The following CDK8 variants were observed in gnomAD, a reference collection of about 807,000 sequenced individuals.
CDK8 encodes cyclin dependent kinase 8, also known as cyclin-dependent kinase 8.
Under a neutral mutation model 71.5 loss-of-function variants are expected in CDK8, and 29 were observed. The ratio of observed to expected loss-of-function variants is 0.41; its 90% confidence interval spans 0.30 to 0.55. The LOEUF (loss-of-function observed/expected upper bound fraction) is 0.55, where lower values mean the gene tolerates loss of function less well. Ranked by LOEUF, CDK8 falls within the 20% of genes least tolerant of loss-of-function variation. The probability of loss-of-function intolerance (pLI) is 0.37; values close to 1 mark genes in which losing one functional copy is unlikely to be tolerated. For missense variants in CDK8, 288 were observed against 572.6 expected (o/e 0.50, Z 5.07); for synonymous variants, 161 against 192.1 (o/e 0.84, Z 1.34).
intron 1 of CDK8, among the ~76,000 whole-genome samples, chr13:26,282,807 T>C (rs1872813752): frequency 6.6e-6 from 1 of 152,226 alleles, no homozygotes; most frequent in African/African-American, 2.4e-5. Flanking sequence ...AAGTATCTGC[T>C]GTCTTCAAGA....
intron 1 of CDK8, among the ~76,000 whole-genome samples, chr13:26,335,037 A>G (rs1173432096): frequency 6.6e-6 from 1 of 152,000 alleles, no homozygotes; most frequent in Non-Finnish European, 1.5e-5. Flanking sequence ...CCTCTCCTAT[A>G]TTGTTAGCTC....
At chr13:26,262,096 T>G (rs1871794289) in intron 1 of CDK8, among the ~76,000 whole-genome samples, 1 of 152,238 alleles carries the variant, frequency 6.6e-6, no homozygotes, top group African/African-American at 2.4e-5. Context: ...GTGCTGGAAA[T>G]GCTTTTTTCT....
chr13:26,312,490 C>T (rs1350196382), intron 1 of CDK8, among the ~76,000 whole-genome samples: 4 of 151,812 alleles, frequency 2.6e-5, no homozygotes, highest in Non-Finnish European at 4.4e-5. Flanking sequence ...ACTCCAGATG[C>T]ACCACCTTTA....
Position 26,393,491 on chromosome 13 carries a change from T to C in CDK8, c.771T>C (p.Asn257=), listed in dbSNP as rs533603123. The part of the protein sequence containing the change: ...YHHDQLDRIF[N]VMGFPADKDW... ...ATGACCAGCTGGACAGAATATTCAA[T>C]GTAATGGGATTTCCTGCAGGTACAC... The change falls in exon 7 of 13, where the codon AAT becomes AAC. Residue 257 remains asparagine, a synonymous_variant. Transcript: ENST00000381527. 3 of 1,611,680 alleles carry C rather than the reference T, an allele frequency of 1.9e-6. No homozygotes were observed. Among genetic ancestry groups the C allele is most frequent in the Middle Eastern group, 1.7e-4 (1 of 6,054 alleles).
chr13:26,291,286 CTG>C (rs1245142556), intron 1 of CDK8, among the ~76,000 whole-genome samples: 2 of 152,064 alleles, frequency 1.3e-5, no homozygotes, highest in African/African-American at 2.4e-5. Flanking sequence ...TAAGTACACT[CTG>C]TGATGTTTGC....
chr13:26,279,298 A>G (rs529430655), intron 1 of CDK8, among the ~76,000 whole-genome samples: 1 of 152,220 alleles, frequency 6.6e-6, no homozygotes, highest in Non-Finnish European at 1.5e-5. Context: ...TTAAATATTC[A>G]TTGGTTTAAA....
At chr13:26,324,289 T>C (rs1874924101) in intron 1 of CDK8, among the ~76,000 whole-genome samples, 2 of 152,186 alleles carry the variant, frequency 1.3e-5, no homozygotes, top group Admixed American at 1.3e-4. Flanking sequence ...TCTCATCTTA[T>C]TTTTTCAACA....
chr13:26,310,653 T>C, intron 1 of CDK8, among the ~76,000 whole-genome samples: 1 of 152,150 alleles, frequency 6.6e-6, no homozygotes, highest in East Asian at 1.9e-4. Context: ...ACATGAGCTA[T>C]AGGGAGTGGC....
chr13:26,295,218 T>G (rs1873495003), intron 1 of CDK8, among the ~76,000 whole-genome samples: 1 of 152,206 alleles, frequency 6.6e-6, no homozygotes, highest in Non-Finnish European at 1.5e-5. Flanking sequence ...TTGGCAGATC[T>G]TTGCTTATAG....
rs1874016618 is a variant in CDK8, at chr13:26,305,764, C to T, written c.129-31803C>T. ...TCAGTTGTGTTATTAAATACAGTTG[C>T]TATATTTTACAGTTTTAGAATTTTT... On this transcript the variant is annotated intron_variant, in intron 1 of 12. Transcript: ENST00000381527. Among the ~76,000 whole-genome samples the T allele has an allele frequency of 2.6e-5, 4 of 152,080 alleles. No homozygotes were observed. The South Asian group carries it at 8.3e-4, about 31-fold the overall frequency.
chr13:26,359,804 C>T, intron 4 of CDK8: 1 of 321,722 alleles, frequency 3.1e-6, no homozygotes, highest in Admixed American at 3.6e-5. Context: ...GAACCTCTGC[C>T]TCCCAGGTTC....
intron 1 of CDK8, among the ~76,000 whole-genome samples, chr13:26,255,438 C>G (rs1288055242): frequency 6.6e-6 from 1 of 152,174 alleles, no homozygotes. Context: ...CAGGCGGTTT[C>G]CCCCAAATTT....
intron 1 of CDK8, among the ~76,000 whole-genome samples, chr13:26,291,785 C>T (rs1873318504): frequency 6.6e-6 from 1 of 152,150 alleles, no homozygotes. Flanking sequence ...TTTCTTTCCC[C>T]ATCTTCATAG....
chr13:26,349,806 G>C (rs537815186), intron 3 of CDK8, among the ~76,000 whole-genome samples: 85 of 152,224 alleles, frequency 5.6e-4, no homozygotes, highest in African/African-American at 2.0e-3. Flanking sequence ...ATTCACAATT[G>C]AATTTAATAT....
At chr13:26,307,283 A>G (rs1874089279) in intron 1 of CDK8, among the ~76,000 whole-genome samples, 1 of 152,134 alleles carries the variant, frequency 6.6e-6, no homozygotes, top group Admixed American at 6.5e-5. Context: ...GATTATGTAG[A>G]TTGGCTCTAC....
chr13:26,335,088 A>G (rs1313601749), intron 1 of CDK8, among the ~76,000 whole-genome samples: 2 of 152,070 alleles, frequency 1.3e-5, no homozygotes, highest in African/African-American at 2.4e-5. Flanking sequence ...ATCATAATCA[A>G]GTCTCTTCCA....
At chr13:26,372,300 A>G (rs935476155) in intron 4 of CDK8, among the ~76,000 whole-genome samples, 2 of 152,246 alleles carry the variant, frequency 1.3e-5, no homozygotes, top group African/African-American at 4.8e-5. Flanking sequence ...ACACCTCAAT[A>G]TTAAAATAAT....
chr13:26,305,482 C>T (rs927671341), intron 1 of CDK8, among the ~76,000 whole-genome samples: 1 of 152,106 alleles, frequency 6.6e-6, no homozygotes, highest in Non-Finnish European at 1.5e-5. Flanking sequence ...TGTAATTCGA[C>T]GTCATTAGTT....
chr13:26,302,370 A>G lies in CDK8; in HGVS notation c.129-35197A>G, dbSNP rs189569559. 4.8e-4 allele frequency among the ~76,000 whole-genome samples: 73 copies of G among 152,292 alleles called. No individual in the cohort carries two copies. In the East Asian group the frequency reaches 0.013, roughly 28 times the overall value. On this transcript the variant is annotated intron_variant, in intron 1 of 12. Coordinates refer to ENST00000381527, the MANE Select transcript of CDK8 (RefSeq NM_001260.3). ...GGTCTTCCCAATTTTTTTGCATTTG[A>G]GTTTCCTATATATGAACCAATTGAT... is the stretch of plus-strand genomic sequence containing the variant.
Sources: gnomAD v4.1 joint callset for allele counts (sites outside exome capture counted in the v4.1 genomes callset) on GRCh38, gnomAD v4.1.1 for gene constraint, MANE v1.5 for transcripts, NCBI Gene and HGNC (gene_info 2026-07-23, HGNC 2026-07-21) for gene names.